Variants in CKMT2 observed in about 807,000 individuals in gnomAD.
CKMT2 encodes the protein creatine kinase S-type, mitochondrial.
CKMT2 carries 43 observed loss-of-function variants against 48.9 expected under a neutral mutation model. The observed-to-expected ratio is 0.88, with a 90% CI of 0.69 to 1.13. The LOEUF (loss-of-function observed/expected upper bound fraction) is 1.13, where lower values mean the gene tolerates loss of function less well. Ranked by LOEUF, CKMT2 falls within the 50% of genes most tolerant of loss-of-function variation. The pLI, the probability that CKMT2 is intolerant of heterozygous loss-of-function variation, is 0.00. For synonymous variants in CKMT2, 206 were observed against 213.0 expected, an observed-to-expected ratio of 0.97 and a Z score of 0.29; for missense variants, 472 against 555.4, an observed-to-expected ratio of 0.85 and a Z score of 1.51.
rs186087598 is a variant in CKMT2, at chr5:81,254,261, T to C, written c.352-135T>C. On this transcript the variant is annotated intron_variant, in intron 3 of 9. Coordinates refer to ENST00000254035, the MANE Select transcript of CKMT2 (RefSeq NM_001099735.2). ...AATCCATTCTCACATCCATTTCCTATATGATAGTCCTGAAAATTTCAGAGA... is the reference window on the plus strand; with the variant it reads ...AATCCATTCTCACATCCATTTCCTACATGATAGTCCTGAAAATTTCAGAGA... The C allele has an allele frequency of 7.3e-5, 48 of 654,500 alleles. No individual in the cohort carries two copies. The East Asian group carries it at 1.1e-3, about 15-fold the overall frequency. The allele number at this position is 654,500 out of a possible 1,614,324, so 40.5% of individuals were successfully genotyped here.
In CKMT2 at chr5:81,259,147, T is replaced by G; in HGVS notation, c.907T>G (p.Trp303Gly). The G allele has an allele frequency of 1.9e-6, 3 of 1,613,842 alleles. No individual in the cohort carries two copies. The highest frequency in any genetic ancestry group is 2.2e-5 in the South Asian group (2 of 90,986). Residue 303 changes from tryptophan to glycine, a missense_variant, in exon 8 of 10, where the codon TGG becomes GGG. Physicochemically the swap from Trp to Gly is radical, Grantham distance 184 (BLOSUM62 -2). Coordinates refer to ENST00000254035, the MANE Select transcript of CKMT2 (RefSeq NM_001099735.2). ...EVERLIQERG[W>G]EFMWNERLGY... ...AGAACGGTTAATCCAAGAACGAGGC[T>G]GGGAGTTCATGTGGAATGAGCGCCT...
intron 7 of CKMT2, 59 bp from the exon 8 acceptor site, chr5:81,259,061 T>G (rs1757115501): frequency 1.3e-6 from 2 of 1,546,772 alleles, no homozygotes; most frequent in Admixed American, 3.5e-5. Flanking sequence ...GTTAGGGATG[T>G]GCTGAATGAA....
chr5:81,237,907 C>T (rs941077520), intron 1 of CKMT2: 1 of 152,202 alleles, frequency 6.6e-6, no homozygotes, highest in African/African-American at 2.4e-5. Context: ...GAATATTTCA[C>T]CATCTGAATG....
intron 2 of CKMT2, among the ~76,000 whole-genome samples, chr5:81,251,589 A>G (rs1756817029): frequency 6.6e-6 from 1 of 152,186 alleles, no homozygotes; most frequent in East Asian, 1.9e-4. Context: ...TCCGTCTCAA[A>G]ACAAAACAAA....
chr5:81,246,881 G>T (rs1756629490), intron 1 of CKMT2: 1 of 152,230 alleles, frequency 6.6e-6, no homozygotes, highest in Admixed American at 6.5e-5. Context: ...GGTCCTTGTG[G>T]ACCCGTACCT....
chr5:81,254,824 G>A (rs1341449975), intron 4 of CKMT2, 169 bp from the exon 5 acceptor site: 1 of 642,336 alleles, frequency 1.6e-6, no homozygotes, highest in Non-Finnish European at 2.7e-6. Context: ...ACTAGTCGAA[G>A]GTCCGTGCCC....
intron 1 of CKMT2, among the ~76,000 whole-genome samples, chr5:81,236,594 T>C (rs1756250964): frequency 6.6e-6 from 1 of 151,950 alleles, no homozygotes; most frequent in Non-Finnish European, 1.5e-5. Flanking sequence ...ACTCAGTCGG[T>C]GTATAGGGTT....
intron 5 of CKMT2, among the ~76,000 whole-genome samples, chr5:81,256,707 A>G (rs1757023878): frequency 6.6e-6 from 1 of 152,188 alleles, no homozygotes; most frequent in African/African-American, 2.4e-5. Flanking sequence ...AAACGTCCTG[A>G]TGCCCAGATC....
At chr5:81,234,021 T>TA (rs536455571) in intron 1 of CKMT2, among the ~76,000 whole-genome samples, 6,041 of 91,778 alleles carry the variant, frequency 0.066, 211 homozygotes, top group African/African-American at 0.11. Context: ...GGAGGTTAAT[T>TA]AAAAAAAAAA....
At chr5:81,263,819 G>T (rs1476890280) in intron 9 of CKMT2, among the ~76,000 whole-genome samples, 1 of 152,190 alleles carries the variant, frequency 6.6e-6, no homozygotes, top group African/African-American at 2.4e-5. Flanking sequence ...TGTGAGCTGA[G>T]AATTTATAGG....
At chr5:81,261,635 A>T (rs1392387489) in intron 8 of CKMT2, among the ~76,000 whole-genome samples, 2 of 152,232 alleles carry the variant, frequency 1.3e-5, no homozygotes, top group Non-Finnish European at 2.9e-5. Flanking sequence ...AATACAACTT[A>T]CGAGGGATGT....
intron 6 of CKMT2, 141 bp downstream of exon 6, chr5:81,257,141 AGTGTGTGTGTGTGTGTGTGTGTGTGTGT>A (rs3830407): frequency 4.2e-5 from 21 of 499,026 alleles, no homozygotes; most frequent in East Asian, 6.9e-5. Context: ...CTACTTGGAA[AGTGTGTGTGTGTGTGTGTGTGTGTGTGT>A]GTGTGTGTGT....
intron 1 of CKMT2, chr5:81,238,499 G>A (rs778816064): frequency 1.3e-5 from 2 of 152,150 alleles, no homozygotes; most frequent in Non-Finnish European, 2.9e-5. Flanking sequence ...ACCACACTTT[G>A]GCAGCATTGG....
At chr5:81,243,814 C>T (rs982670969) in intron 1 of CKMT2, among the ~76,000 whole-genome samples, 6 of 152,104 alleles carry the variant, frequency 3.9e-5, no homozygotes, top group Non-Finnish European at 7.4e-5. Flanking sequence ...CTCAGCCTCC[C>T]GAGTGGCTGG....
chr5:81,249,052 CTT>C (rs113783848), intron 1 of CKMT2, among the ~76,000 whole-genome samples: 81 of 138,238 alleles, frequency 5.9e-4, no homozygotes, highest in African/African-American at 1.2e-3. Flanking sequence ...AATCCATGCT[CTT>C]TTTTTTTTTT....
chr5:81,258,083 G>C (rs1757079191), intron 7 of CKMT2, among the ~76,000 whole-genome samples: 1 of 152,106 alleles, frequency 6.6e-6, no homozygotes. Context: ...ATTTTTAGTA[G>C]AGAGGGGTGT....
At chr5:81,235,458 G>A (rs1756216391) in intron 1 of CKMT2, among the ~76,000 whole-genome samples, 1 of 152,164 alleles carries the variant, frequency 6.6e-6, no homozygotes, top group African/African-American at 2.4e-5. Flanking sequence ...CTGACACGTG[G>A]TCCTCCTCCT....
chr5:81,263,709 T>C, intron 9 of CKMT2, 93 bp downstream of exon 9: 1 of 1,233,656 alleles, frequency 8.1e-7, no homozygotes, highest in Non-Finnish European at 1.1e-6. Flanking sequence ...TTCACAAAAT[T>C]CGAGACCTCC....
chr5:81,242,643 T>C (rs1357510081), intron 1 of CKMT2: 2 of 262,748 alleles, frequency 7.6e-6, no homozygotes, highest in South Asian at 5.1e-5. Context: ...CGCTGAGATT[T>C]GTAGTGAGAA....
Sources: allele counts gnomAD v4.1 joint callset (sites outside exome capture counted in the v4.1 genomes callset), GRCh38; gene constraint gnomAD v4.1.1; transcripts MANE v1.5; gene names NCBI Gene and HGNC (gene_info 2026-07-23, HGNC 2026-07-21).